The following CDYL2 variants were observed in gnomAD, a reference collection of about 807,000 sequenced individuals.
The protein encoded by CDYL2 is chromodomain Y like 2.
A neutral mutation model predicts 49.4 loss-of-function variants in CDYL2; 23 were observed. That is an observed-to-expected ratio of 0.47 (90% CI 0.34 to 0.66). The LOEUF (loss-of-function observed/expected upper bound fraction) is 0.66, where lower values mean the gene tolerates loss of function less well. Among genes scored for constraint, CDYL2 ranks in the 30% least tolerant of loss-of-function variants. The pLI is 0.01. For synonymous variants in CDYL2, 360 were observed against 268.8 expected, an observed-to-expected ratio of 1.34 and a Z score of -3.32; for missense variants, 678 against 656.4, an observed-to-expected ratio of 1.03 and a Z score of -0.36.
chr16:80,666,675 A>T (rs1309909318), intron 2 of CDYL2, among the ~76,000 whole-genome samples: 1 of 152,180 alleles, frequency 6.6e-6, no homozygotes, highest in Non-Finnish European at 1.5e-5. Flanking sequence ...TGTTACCATG[A>T]GCAGAGGCTG....
intron 1 of CDYL2, among the ~76,000 whole-genome samples, chr16:80,712,213 A>ATATATATATATATC (rs1567581146): frequency 2.8e-5 from 3 of 107,440 alleles, no homozygotes; most frequent in Non-Finnish European, 7.3e-5. Flanking sequence ...ATATATATAT[A>ATATATATATATATC]TATCTCCAAA....
At chr16:80,757,511 C>A (rs1906351459) in intron 1 of CDYL2, among the ~76,000 whole-genome samples, 1 of 147,580 alleles carries the variant, frequency 6.8e-6, no homozygotes, top group South Asian at 2.1e-4. Context: ...TGCATTCCAG[C>A]CTGAGTGACA....
chr16:80,761,036 G>T (rs750117983), intron 1 of CDYL2, among the ~76,000 whole-genome samples: 17 of 152,164 alleles, frequency 1.1e-4, no homozygotes, highest in Non-Finnish European at 1.6e-4. Flanking sequence ...AATGTAGAGC[G>T]TTGTTAATTG....
chr16:80,631,076 C>G (rs1164579611), intron 3 of CDYL2, among the ~76,000 whole-genome samples: 1 of 152,150 alleles, frequency 6.6e-6, no homozygotes, highest in Admixed American at 6.5e-5. Context: ...GGGCCTGGCA[C>G]TGGGATGAAC....
intron 1 of CDYL2, among the ~76,000 whole-genome samples, chr16:80,700,589 A>G (rs2142499552): frequency 6.6e-6 from 1 of 152,362 alleles, no homozygotes; most frequent in African/African-American, 2.4e-5. Flanking sequence ...TAATCAGGGA[A>G]ATGAAAATTA....
chr16:80,748,325 G>T (rs1373121599), intron 1 of CDYL2, among the ~76,000 whole-genome samples: 1 of 148,324 alleles, frequency 6.7e-6, no homozygotes, highest in African/African-American at 2.5e-5. Flanking sequence ...AGCAGGTCGA[G>T]ACCATCCTGA....
rs180873417 is a variant in CDYL2 at position 80,772,877 on chromosome 16, C to A, written c.24+31273G>T. 4.4e-3 allele frequency among the ~76,000 whole-genome samples: 671 copies of A among 152,070 alleles called. 7 individuals carry two copies. Among genetic ancestry groups the A allele is most frequent in the African/African-American group, 0.015 (617 of 41,468 alleles). ...TGTTCTCAGTCAATAAAAAGTAAGG[C>A]ATGAAAGTAGAGAAATAGGAACATA... On this transcript the variant is annotated intron_variant, in intron 1 of 6. Transcript: ENST00000570137.
chr16:80,629,472 G>T (rs961593132), intron 3 of CDYL2, among the ~76,000 whole-genome samples: 1 of 152,236 alleles, frequency 6.6e-6, no homozygotes, highest in Non-Finnish European at 1.5e-5. Context: ...CTGTGTTCCT[G>T]AGAGTAGTGG....
At position 80,600,378 on chromosome 16, in the gene CDYL2, A is replaced by G. The variant is rs1034062118; in HGVS notation, c.*4010T>C. On this transcript the variant is annotated 3_prime_UTR_variant, in exon 7 of 7. Coordinates refer to ENST00000570137, the MANE Select transcript of CDYL2 (RefSeq NM_152342.4). ...TTTATATTTTGAAAATATATACTGT[A>G]TTAAAGTCTGTAAGCATTTCAACCA... 2.6e-5 allele frequency: 4 copies of G among 152,218 alleles called. No homozygotes were observed. The highest frequency in any genetic ancestry group is 9.6e-5 in the African/African-American group (4 of 41,458). 9.4% of individuals were successfully genotyped at this position (152,218 alleles called of 1,614,324 possible).
chr16:80,696,536 T>C (rs1567574806), intron 1 of CDYL2, among the ~76,000 whole-genome samples: 2 of 151,618 alleles, frequency 1.3e-5, no homozygotes, highest in Non-Finnish European at 2.9e-5. Context: ...ACAACTGATA[T>C]TATCGAAATA....
rs566867349 is a variant in CDYL2, at chr16:80,645,315, G to A, written c.617-12079C>T. Among the ~76,000 whole-genome samples the A allele has an allele frequency of 3.9e-3, 588 of 152,226 alleles. 6 individuals carry two copies. Among genetic ancestry groups the A allele is most frequent in the African/African-American group, 0.014 (561 of 41,518 alleles). ...CAAGAAAAAACAACCCCATCAACAA[G>A]TGGGCGAAGGATATGAACACACACT... On this transcript the variant is annotated intron_variant, in intron 2 of 6. Transcript: ENST00000570137.
At chr16:80,687,388 G>T (rs147461014) in intron 1 of CDYL2, among the ~76,000 whole-genome samples, 3 of 152,236 alleles carry the variant, frequency 2.0e-5, no homozygotes, top group Admixed American at 6.5e-5. Flanking sequence ...GTGGATGGAT[G>T]GATGGGTGGA....
At chr16:80,634,745 A>C (rs1486248043) in intron 2 of CDYL2, among the ~76,000 whole-genome samples, 3 of 152,178 alleles carry the variant, frequency 2.0e-5, no homozygotes, top group Non-Finnish European at 4.4e-5. Context: ...TCAAGACACA[A>C]ACTTCCAAAA....
chr16:80,675,483 G>T (rs1909705408), intron 2 of CDYL2, among the ~76,000 whole-genome samples: 1 of 152,116 alleles, frequency 6.6e-6, no homozygotes, highest in South Asian at 2.1e-4. Flanking sequence ...AGCTACTATT[G>T]CTACCATCAC....
chr16:80,691,570 T>C (rs551975986), intron 1 of CDYL2, among the ~76,000 whole-genome samples: 1 of 152,326 alleles, frequency 6.6e-6, no homozygotes, highest in South Asian at 2.1e-4. Flanking sequence ...TGGAAAACAC[T>C]ATGCCTAGAG....
chr16:80,711,501 C>T (rs1368282319), intron 1 of CDYL2, among the ~76,000 whole-genome samples: 4 of 152,124 alleles, frequency 2.6e-5, no homozygotes, highest in South Asian at 2.1e-4. Context: ...ATTTCCCATA[C>T]GCAAAAGCTT....
At chr16:80,758,351 T>A (rs896360154) in intron 1 of CDYL2, among the ~76,000 whole-genome samples, 1 of 152,020 alleles carries the variant, frequency 6.6e-6, no homozygotes, top group African/African-American at 2.4e-5. Context: ...ATAACTACAA[T>A]AATAAACAAA....
chr16:80,682,012 A>T (rs1909985922), intron 2 of CDYL2, among the ~76,000 whole-genome samples: 1 of 152,168 alleles, frequency 6.6e-6, no homozygotes, highest in East Asian at 1.9e-4. Context: ...CTCATCTCAA[A>T]ATGCGGTAGA....
intron 2 of CDYL2, among the ~76,000 whole-genome samples, chr16:80,638,542 T>C (rs1490336113): frequency 6.6e-6 from 1 of 152,098 alleles, no homozygotes; most frequent in Non-Finnish European, 1.5e-5. Flanking sequence ...AGAATCCACC[T>C]GGAGGACTCA....
Sources: allele counts gnomAD v4.1 joint callset (sites outside exome capture counted in the v4.1 genomes callset), GRCh38; gene constraint gnomAD v4.1.1; transcripts MANE v1.5; gene names NCBI Gene and HGNC (gene_info 2026-07-23, HGNC 2026-07-21).